Variants in RYR2 observed in about 807,000 individuals in gnomAD.
RYR2 encodes cardiac muscle ryanodine receptor-calcium release channel.
RYR2 carries 227 observed loss-of-function variants against 601.1 expected under a neutral mutation model. That is an observed-to-expected ratio of 0.38 (90% confidence interval 0.34 to 0.42). The LOEUF (loss-of-function observed/expected upper bound fraction) is 0.42. RYR2 is among the 10% of genes least tolerant of loss of function. The pLI, the probability that RYR2 is intolerant of heterozygous loss-of-function variation, is 1.00. For synonymous variants in RYR2, 2,223 were observed against 2,175.1 expected (o/e 1.02, Z -0.61); for missense variants, 4,646 against 6,156.5 (o/e 0.75, Z 8.21).
intron 2 of RYR2, among the ~76,000 whole-genome samples, chr1:237,308,778 A>G (rs1694193773): frequency 6.6e-6 from 1 of 152,214 alleles, no homozygotes; most frequent in Non-Finnish European, 1.5e-5. Context: ...ACACCGTGGA[A>G]AGGGACCTGA....
intron 25 of RYR2, among the ~76,000 whole-genome samples, chr1:237,532,163 T>C (rs1668198441): frequency 6.6e-6 from 1 of 152,096 alleles, no homozygotes; most frequent in African/African-American, 2.4e-5. Context: ...CAAAACAACA[T>C]AAATTGTTTT....
At chr1:237,126,096 G>C (rs959423953) in intron 1 of RYR2, among the ~76,000 whole-genome samples, 2 of 152,168 alleles carry the variant, frequency 1.3e-5, no homozygotes, top group African/African-American at 4.8e-5. Context: ...AATTAGCCAG[G>C]CATGGTGGCG....
intron 97 of RYR2, 25 bp downstream of exon 97, chr1:237,798,195 TAC>T (rs1558439548): frequency 6.3e-7 from 1 of 1,595,760 alleles, no homozygotes; most frequent in Admixed American, 1.8e-5. Flanking sequence ...GGCTCTATCC[TAC>T]AGACTTAGAT....
intron 1 of RYR2, among the ~76,000 whole-genome samples, chr1:237,065,164 C>T (rs550241904): frequency 3.3e-5 from 5 of 151,304 alleles, no homozygotes; most frequent in Admixed American, 1.3e-4. Context: ...TGCTATAAAG[C>T]GTGTATATAG....
chr1:237,669,483 G>A (rs577931406), intron 58 of RYR2, among the ~76,000 whole-genome samples: 1 of 147,146 alleles, frequency 6.8e-6, no homozygotes, highest in African/African-American at 2.5e-5. Flanking sequence ...CCTCCCGGAC[G>A]GGGCGGCTGG....
At chr1:237,635,877 G>A (rs1461397742) in intron 44 of RYR2, among the ~76,000 whole-genome samples, 1 of 152,078 alleles carries the variant, frequency 6.6e-6, no homozygotes, top group African/African-American at 2.4e-5. Flanking sequence ...CAGCCTCAGG[G>A]CCTCTGCACC....
intron 100 of RYR2, among the ~76,000 whole-genome samples, chr1:237,817,044 C>A (rs1661917830): frequency 1.3e-5 from 2 of 152,156 alleles, no homozygotes; most frequent in African/African-American, 4.8e-5. Flanking sequence ...GCAAAAGAGA[C>A]CCCTAACCTG....
chr1:237,234,302 C>T (rs1431150902), intron 1 of RYR2, among the ~76,000 whole-genome samples: 2 of 152,074 alleles, frequency 1.3e-5, no homozygotes, highest in Non-Finnish European at 2.9e-5. Context: ...GGAAAGGAAC[C>T]CTCGAATCTT....
intron 1 of RYR2, among the ~76,000 whole-genome samples, chr1:237,242,242 T>C (rs892833430): frequency 6.6e-5 from 10 of 151,590 alleles, no homozygotes; most frequent in African/African-American, 2.4e-4. Flanking sequence ...TTTGGGGCAA[T>C]AAAATCACAT....
Position 237,707,253 on chromosome 1 carries a change from G to A in RYR2, c.9885G>A (p.Trp3295Ter). Reference protein sequence around the residue: ...YNNLGIDEGAWMKRLAVFSQP... With the variant: ...YNNLGIDEGA ...ACTTGGGGATTGATGAGGGAGCCTG[G>A]ATGAAGAGGCTAGCAGGTAAGAACT... Residue 3295 changes from tryptophan (W) to a stop codon, truncating the protein, a stop_gained, in exon 68 of 105, where the codon TGG becomes TGA. Transcript: ENST00000366574. LOFTEE classifies it high-confidence loss of function. The A allele has an allele frequency of 6.5e-7, 1 of 1,537,016 alleles. No individual in the cohort carries two copies. Among genetic ancestry groups the A allele is most frequent in the East Asian group, 2.3e-5 (1 of 43,372 alleles).
chr1:237,807,779 T>C (rs1368181719), intron 99 of RYR2, among the ~76,000 whole-genome samples: 1 of 152,198 alleles, frequency 6.6e-6, no homozygotes, highest in Non-Finnish European at 1.5e-5. Flanking sequence ...TAACATGTTT[T>C]CTCCAGATAA....
At chr1:237,240,930 A>G (rs1350012302) in intron 1 of RYR2, among the ~76,000 whole-genome samples, 2 of 152,222 alleles carry the variant, frequency 1.3e-5, no homozygotes, top group African/African-American at 4.8e-5. Flanking sequence ...TTAAGATGAT[A>G]TGGCATTTTA....
At chr1:237,194,153 T>C (rs1285464139) in intron 1 of RYR2, among the ~76,000 whole-genome samples, 1 of 152,206 alleles carries the variant, frequency 6.6e-6, no homozygotes, top group African/African-American at 2.4e-5. Flanking sequence ...TTGACATAGT[T>C]GCTGGCAGAG....
Position 237,593,492 on chromosome 1 carries a change from G to A in RYR2, c.4292G>A (p.Arg1431Lys), listed in dbSNP as rs267598435. The A allele has an allele frequency of 6.2e-7, 1 of 1,613,184 alleles. No individual in the cohort carries two copies. Among genetic ancestry groups the A allele is most frequent in the East Asian group, 2.2e-5 (1 of 44,848 alleles). The change falls in exon 33 of 105, where the codon AGA becomes AAA. Residue 1431 changes from arginine to lysine, a missense_variant. Coordinates refer to ENST00000366574, the MANE Select transcript of RYR2 (RefSeq NM_001035.3). ...TCTTCACAGTACTATTACTCAGTGA[G>A]AATCTTTCCTGGACAAGAACCTGCT... Reference protein sequence around the residue: ...MQTSTYYYSVRIFPGQEPANV... With the variant: ...MQTSTYYYSVKIFPGQEPANV...
At chr1:237,494,379 G>C (rs1663796347) in intron 19 of RYR2, among the ~76,000 whole-genome samples, 1 of 152,138 alleles carries the variant, frequency 6.6e-6, no homozygotes, top group South Asian at 2.1e-4. Flanking sequence ...CCCAGCACGG[G>C]AGAAAGATGA....
chr1:237,387,503 T>C (rs1702037654), intron 9 of RYR2, 123 bp downstream of exon 9: 2 of 775,568 alleles, frequency 2.6e-6, no homozygotes, highest in Non-Finnish European at 4.2e-6. Context: ...TATTCTGTAA[T>C]GCAGATACCT....
intron 1 of RYR2, among the ~76,000 whole-genome samples, chr1:237,059,886 C>G (rs757330197): frequency 7.2e-5 from 11 of 152,156 alleles, no homozygotes; most frequent in Non-Finnish European, 1.3e-4. Flanking sequence ...GATATATATA[C>G]TCACTACCTC....
rs140159282 is a variant in RYR2 at position 237,075,056 on chromosome 1, G to A, written c.48+32487G>A. On this transcript the variant is annotated intron_variant, in intron 1 of 104. Coordinates refer to ENST00000366574, the MANE Select transcript of RYR2 (RefSeq NM_001035.3). ...TGTTTAGGAGGGCAGAGACCCAAGCGCTGAACCCACTCTCATTCTCATGTA... is the reference window on the plus strand; with the variant it reads ...TGTTTAGGAGGGCAGAGACCCAAGCACTGAACCCACTCTCATTCTCATGTA... Among the ~76,000 whole-genome samples the A allele has an allele frequency of 5.2e-3, 785 of 152,228 alleles. 5 individuals are homozygous for A. The highest frequency in any genetic ancestry group is 0.025 in the South Asian group (119 of 4,828).
rs546768157 is a variant in RYR2, at chr1:237,828,219, G to A, written c.14591-162G>A. Among the ~76,000 whole-genome samples the A allele has an allele frequency of 7.2e-5, 11 of 152,228 alleles. No individual in the cohort carries two copies. The South Asian group carries it at 1.2e-3, about 17-fold the overall frequency. On this transcript the variant is annotated intron_variant, in intron 101 of 104. Coordinates refer to ENST00000366574, the MANE Select transcript of RYR2 (RefSeq NM_001035.3). ...CTTCTGTCCCCAAAGACAGAACACC[G>A]CCTCCTTTCTCCTAGGAGTATCGGA...
Sources: gnomAD v4.1 joint callset for allele counts (sites outside exome capture counted in the v4.1 genomes callset) on GRCh38, gnomAD v4.1.1 for gene constraint, MANE v1.5 for transcripts, NCBI Gene and HGNC (gene_info 2026-07-23, HGNC 2026-07-21) for gene names.